VDR: variants seen among roughly 807,000 people sequenced by gnomAD.
VDR encodes vitamin D3 receptor.
Under a neutral mutation model 39.7 loss-of-function variants are expected in VDR, and 19 were observed. That is an observed-to-expected ratio of 0.48 (90% CI 0.33 to 0.70). The LOEUF is 0.70. VDR is among the 30% of genes least tolerant of loss of function. The pLI is 0.02. For missense variants in VDR, 442 were observed against 570.5 expected, an observed-to-expected ratio of 0.77 and a Z score of 2.29; for synonymous variants, 242 against 215.8, an observed-to-expected ratio of 1.12 and a Z score of -1.07.
At chr12:47,861,786 C>T (rs950806034) in intron 4 of VDR, among the ~76,000 whole-genome samples, 2 of 152,126 alleles carry the variant, frequency 1.3e-5, no homozygotes, top group African/African-American at 2.4e-5. Flanking sequence ...AATAATTTTG[C>T]GCAAGTTATT....
At chr12:47,899,031 G>C (rs1321329613) in intron 1 of VDR, among the ~76,000 whole-genome samples, 1 of 152,154 alleles carries the variant, frequency 6.6e-6, no homozygotes, top group Non-Finnish European at 1.5e-5. Context: ...ATATAATCTT[G>C]TGTATGTGAT....
chr12:47,879,085 A>G lies in VDR; in HGVS notation c.29T>C (p.Leu10Pro). The change falls in exon 3 of 10, where the codon CTG becomes CCG. Residue 10 changes from leucine (L) to proline (P), a missense_variant. By Grantham distance (98) the Leu-to-Pro change is moderately conservative. Coordinates refer to ENST00000549336, the MANE Select transcript of VDR (RefSeq NM_000376.3). MEAMAASTS[L>P]PDPGDFDRNV... ...CCGGTCAAAGTCTCCAGGGTCAGGCAGGGAAGTGCTGGCCGCCATTGCCTC... is the reference window on the plus strand; with the variant it reads ...CCGGTCAAAGTCTCCAGGGTCAGGCGGGGAAGTGCTGGCCGCCATTGCCTC... 3 of 1,614,100 alleles carry G rather than the reference A, an allele frequency of 1.9e-6. No homozygotes were observed.
At position 47,855,533 on chromosome 12, in the gene VDR, T is replaced by TAA. The variant is rs900658929; in HGVS notation, c.755+95_755+96dup. On this transcript the variant is annotated intron_variant, in intron 7 of 9. Transcript: ENST00000549336. ...AGATGCCGTTTAAAAAAATAAAAAA[T>TAA]AAAAAAAAGAAGTGGTGGATGAGTG... 5 of 1,436,278 alleles carry TAA rather than the reference T, an allele frequency of 3.5e-6. No homozygotes were observed. The African/African-American group carries it at 7.2e-5, about 21-fold the overall frequency. The allele number at this position is 1,436,278 out of a possible 1,614,324, so 89.0% of individuals were successfully genotyped here.
intron 1 of VDR, among the ~76,000 whole-genome samples, chr12:47,893,283 G>T (rs983511057): frequency 6.6e-6 from 1 of 152,126 alleles, no homozygotes; most frequent in Non-Finnish European, 1.5e-5. Context: ...TCATTGAGAC[G>T]TTAGCTATGC....
rs1945698379 is a variant in VDR at position 47,864,990 on chromosome 12, A to C, written c.277+57T>G. 5 of 1,608,022 alleles carry C rather than the reference A, an allele frequency of 3.1e-6. No homozygotes were observed. In the South Asian group the frequency reaches 4.4e-5, roughly 14 times the overall value. On this transcript the variant is annotated intron_variant, in intron 4 of 9. Coordinates refer to ENST00000549336, the MANE Select transcript of VDR (RefSeq NM_000376.3). ...GCCCAAACTTGCAGGAGAGTGGCCA[A>C]GGCCTTTCCCTGACTCCACTTCAGG... is the stretch of plus-strand genomic sequence containing the variant.
chr12:47,887,654 G>A (rs191789838), intron 1 of VDR, among the ~76,000 whole-genome samples: 1 of 152,246 alleles, frequency 6.6e-6, no homozygotes, highest in Non-Finnish European at 1.5e-5. Context: ...GGAGAGAACA[G>A]TGTCTGTTCT....
intron 3 of VDR, among the ~76,000 whole-genome samples, chr12:47,868,902 C>G (rs968910507): frequency 1.3e-5 from 2 of 152,162 alleles, no homozygotes; most frequent in African/African-American, 4.8e-5. Flanking sequence ...ACCAAGAAGA[C>G]AGCACATCGT....
intron 9 of VDR, 107 bp from the exon 10 acceptor site, chr12:47,845,112 CT>C: frequency 6.5e-7 from 1 of 1,548,274 alleles, no homozygotes; most frequent in Non-Finnish European, 8.8e-7. Context: ...GCAGCACCCC[CT>C]AGGCCACCCC....
intron 7 of VDR, among the ~76,000 whole-genome samples, chr12:47,847,865 C>A (rs1487851581): frequency 1.3e-5 from 2 of 152,216 alleles, no homozygotes; most frequent in African/African-American, 4.8e-5. Context: ...GCCTCAGCCT[C>A]CTAAGTAGCT....
At chr12:47,881,696 T>A (rs1946153411) in intron 2 of VDR, among the ~76,000 whole-genome samples, 1 of 152,234 alleles carries the variant, frequency 6.6e-6, no homozygotes, top group African/African-American at 2.4e-5. Context: ...AAACGTTTCA[T>A]AATTTAAAAA....
At chr12:47,880,765 T>C (rs1276159252) in intron 2 of VDR, among the ~76,000 whole-genome samples, 3 of 151,412 alleles carry the variant, frequency 2.0e-5, no homozygotes, top group Non-Finnish European at 4.4e-5. Flanking sequence ...CTAATAGTAA[T>C]AGTGACACTA....
chr12:47,865,199 T>C, intron 3 of VDR, 22 bp from the exon 4 acceptor site: 1 of 1,608,834 alleles, frequency 6.2e-7, no homozygotes, highest in Non-Finnish European at 8.5e-7. Flanking sequence ...GCACACACCC[T>C]GCCCTGGGTC....
chr12:47,878,184 T>C (rs1235160507), intron 3 of VDR, among the ~76,000 whole-genome samples: 1 of 152,220 alleles, frequency 6.6e-6, no homozygotes, highest in African/African-American at 2.4e-5. Context: ...ACAGAAGATC[T>C]GTTTTGGCTG....
intron 1 of VDR, among the ~76,000 whole-genome samples, chr12:47,883,147 C>A (rs540043426): frequency 2.0e-5 from 3 of 152,320 alleles, no homozygotes; most frequent in South Asian, 2.1e-4. Context: ...ACTCTCACTA[C>A]CCCCTCCATC....
intron 1 of VDR, among the ~76,000 whole-genome samples, chr12:47,886,919 C>T (rs1218478518): frequency 6.6e-6 from 1 of 152,176 alleles, no homozygotes; most frequent in Non-Finnish European, 1.5e-5. Context: ...TCCTAGATAG[C>T]TCTTTGTAGC....
intron 7 of VDR, 58 bp from the exon 8 acceptor site, chr12:47,846,866 A>T (rs1490624539): frequency 6.2e-6 from 10 of 1,602,808 alleles, no homozygotes. Context: ...AAGCCACACA[A>T]ATCAGTTTAG....
chr12:47,844,505 T>G lies in VDR; in HGVS notation c.*241A>C. On this transcript the variant is annotated 3_prime_UTR_variant, in exon 10 of 10. Transcript: ENST00000549336. ...CTCTGCCCTCTGCCCCCACTTGGGT[T>G]TCTTTGTCAAACAAACAGCAACTCC... 1 of 616,562 alleles carries G rather than the reference T, an allele frequency of 1.6e-6. No homozygotes were observed. Among genetic ancestry groups the G allele is most frequent in the South Asian group, 2.0e-5 (1 of 50,600 alleles). The allele number at this position is 616,562 out of a possible 1,614,324, so 38.2% of individuals were successfully genotyped here. A position where few individuals can be genotyped will look rare whatever the true frequency, so the allele number is the denominator to read the frequency against.
In VDR at chr12:47,859,923, T is replaced by TCCTTCCTTCCTTC. The variant is rs1945587994; in HGVS notation, c.278-2236_278-2235insGAAGGAAGGAAGG. Among the ~76,000 whole-genome samples, 2 of 50,956 alleles carry TCCTTCCTTCCTTC rather than the reference T, an allele frequency of 3.9e-5. 1 individual carries two copies. 33.4% of individuals were successfully genotyped at this position (50,956 alleles called of 152,430 possible). On this transcript the variant is annotated intron_variant, in intron 4 of 9. Transcript: ENST00000549336. Reference sequence around the variant, plus strand: ...CTTCCTTCCTTCCTTCCTTCTTTCTTTTTCTTTCTTTCTTTCTTTCTTTCT... The same window carrying TCCTTCCTTCCTTC: ...CTTCCTTCCTTCCTTCCTTCTTTCTTCCTTCCTTCCTTCTTTCTTTCTTTCTTTCTTTCTTTCT...
chr12:47,882,685 A>G lies in VDR; in HGVS notation c.-3+9T>C. ...CCAGGGAAGTTGCGGCTGATGAGGA[A>G]ACACCTACCTGAAGGAGCAGGGGGC... On this transcript the variant is annotated intron_variant, in intron 2 of 9. Coordinates refer to ENST00000549336, the MANE Select transcript of VDR (RefSeq NM_000376.3). 6 of 1,327,140 alleles carry G rather than the reference A, an allele frequency of 4.5e-6. No homozygotes were observed. Among genetic ancestry groups the G allele is most frequent in the Non-Finnish European group, 5.9e-6 (6 of 1,020,774 alleles). The allele number at this position is 1,327,140 out of a possible 1,614,324, so 82.2% of individuals were successfully genotyped here.
Sources: gnomAD v4.1 joint callset for allele counts (sites outside exome capture counted in the v4.1 genomes callset) on GRCh38, gnomAD v4.1.1 for gene constraint, MANE v1.5 for transcripts, NCBI Gene and HGNC (gene_info 2026-07-23, HGNC 2026-07-21) for gene names.